TRAFD1: variants seen among roughly 807,000 people sequenced by gnomAD.
TRAFD1 encodes TRAF-type zinc finger domain containing 1, also known as TRAF-type zinc finger domain-containing protein 1.
TRAFD1 carries 38 observed loss-of-function variants against 65.3 expected under a neutral mutation model. The observed-to-expected ratio is 0.58, with a 90% confidence interval of 0.45 to 0.76. The LOEUF is 0.76. Among genes scored for constraint, TRAFD1 ranks in the 30% least tolerant of loss-of-function variants. TRAFD1 has a pLI of 0.00. For missense variants in TRAFD1, 631 were observed against 712.6 expected (o/e 0.89, Z 1.30); for synonymous variants, 223 against 257.2 (o/e 0.87, Z 1.27).
chr12:112,152,324 TGGGG>T lies in TRAFD1; in HGVS notation c.1620-102_1620-99del. 2 of 1,512,624 alleles carry T rather than the reference TGGGG, an allele frequency of 1.3e-6. No homozygotes were observed. The highest frequency in any genetic ancestry group is 1.2e-5 in the South Asian group (1 of 85,114). 93.7% of individuals were successfully genotyped at this position (1,512,624 alleles called of 1,614,324 possible). A position where few individuals can be genotyped will look rare whatever the true frequency, so the allele number is the denominator to read the frequency against. On this transcript the variant is annotated intron_variant, in intron 10 of 11. Transcript: ENST00000412615. This position sits in a 1 kb window ranked among gnomAD's most constrained non-coding sequence, Gnocchi z 5.0. ...ATTATTTTGTGGCCTATGGGTTTTTTGGGGTTTGTCTGCTAGCATAGGACTGCTT... is the reference window on the plus strand; with the variant it reads ...ATTATTTTGTGGCCTATGGGTTTTTTTTTGTCTGCTAGCATAGGACTGCTT...
chr12:112,139,443 T>C (rs1050456649), intron 4 of TRAFD1, among the ~76,000 whole-genome samples: 1 of 152,086 alleles, frequency 6.6e-6, no homozygotes, highest in Non-Finnish European at 1.5e-5. Context: ...AAGCTTTTTT[T>C]TTTTGTTTTC....
intron 6 of TRAFD1, among the ~76,000 whole-genome samples, chr12:112,142,587 T>C (rs2030124958): frequency 6.6e-6 from 1 of 151,110 alleles, no homozygotes; most frequent in Non-Finnish European, 1.5e-5. Context: ...GAGGCAGAGG[T>C]TGCAGTCAGC....
intron 4 of TRAFD1, among the ~76,000 whole-genome samples, chr12:112,139,516 C>T (rs1308264455): frequency 2.6e-5 from 4 of 151,400 alleles, no homozygotes; most frequent in East Asian, 2.0e-4. Context: ...CTCCACCTCC[C>T]GGGTTCAAGC....
At position 112,153,274 on chromosome 12, in the gene TRAFD1, C is replaced by CTCA. The variant is rs2030458919; in HGVS notation, c.*484_*486dup. The CTCA allele has an allele frequency of 6.4e-6, 1 of 155,090 alleles. No individual in the cohort carries two copies. Among genetic ancestry groups the CTCA allele is most frequent in the Non-Finnish European group, 1.4e-5 (1 of 69,872 alleles). 9.6% of individuals were successfully genotyped at this position (155,090 alleles called of 1,614,324 possible). A position where few individuals can be genotyped will look rare whatever the true frequency, so the allele number is the denominator to read the frequency against. ...GTGTATGAGGCGCTCTGGTAAGGTGCTCAGGCCAGTTGCAATGTCTGTCAG... is the reference window on the plus strand; with the variant it reads ...GTGTATGAGGCGCTCTGGTAAGGTGCTCATCAGGCCAGTTGCAATGTCTGTCAG... On this transcript the variant is annotated 3_prime_UTR_variant, in exon 12 of 12. Coordinates refer to ENST00000412615, the MANE Select transcript of TRAFD1 (RefSeq NM_006700.3).
In TRAFD1 at chr12:112,137,768, T is replaced by A. The variant is rs1433169414; in HGVS notation, c.237+2702T>A. 2.0e-5 allele frequency among the ~76,000 whole-genome samples: 3 copies of A among 151,886 alleles called. No individual in the cohort carries two copies. Among genetic ancestry groups the A allele is most frequent in the Admixed American group, 6.6e-5 (1 of 15,224 alleles). Reference sequence around the variant, plus strand: ...CAGAGCGAGACTCCGTCTAAAAAAATAAATAAATAAAAATAAATAAATAAA... The same window carrying A: ...CAGAGCGAGACTCCGTCTAAAAAAAAAAATAAATAAAAATAAATAAATAAA... On this transcript the variant is annotated intron_variant, in intron 4 of 11. Transcript: ENST00000412615. The surrounding 1 kb of genome is among the most constrained non-coding windows in gnomAD (Gnocchi z 4.2).
chr12:112,148,066 AATGAC>A lies in TRAFD1; in HGVS notation c.928-6_928-2del. 3.7e-6 allele frequency: 6 copies of A among 1,601,418 alleles called. No homozygotes were observed. In the South Asian group the frequency reaches 4.5e-5, roughly 12 times the overall value. ...TCTTGTTTTTAACCTATATTTTTTG[AATGAC>A]AGACAAGCTGTAACCCTTCACGTGC... On this transcript the variant is annotated splice_polypyrimidine_tract_variant and splice_region_variant and intron_variant, in intron 7 of 11. Coordinates refer to ENST00000412615, the MANE Select transcript of TRAFD1 (RefSeq NM_006700.3).
At chr12:112,146,058 T>C (rs1412169362) in intron 7 of TRAFD1, among the ~76,000 whole-genome samples, 1 of 149,450 alleles carries the variant, frequency 6.7e-6, no homozygotes, top group African/African-American at 2.5e-5. Context: ...TTAGGAGATA[T>C]ACCTAATGCT....
At position 112,148,195 on chromosome 12, in the gene TRAFD1, T is replaced by G; in HGVS notation, c.1049T>G (p.Leu350Ter). 1 of 1,614,212 alleles carries G rather than the reference T, an allele frequency of 6.2e-7. No individual in the cohort carries two copies. Among genetic ancestry groups the G allele is most frequent in the Non-Finnish European group, 8.5e-7 (1 of 1,180,032 alleles). Reference protein sequence around the residue: ...NFLQQAASNQLDSLMGLSNSH... With the variant: ...NFLQQAASNQ ...TTGCAACAGGCTGCAAGTAACCAGT[T>G]AGACTCTTTGATGGGCCTGAGCAAT... Residue 350 changes from leucine (L) to a stop codon, truncating the protein, a stop_gained, in exon 8 of 12, where the codon TTA becomes TGA. Coordinates refer to ENST00000412615, the MANE Select transcript of TRAFD1 (RefSeq NM_006700.3). LOFTEE classifies it high-confidence loss of function.
rs58777732 is a variant in TRAFD1, at chr12:112,138,857, CAAAA to C, written c.238-1946_238-1943del. On this transcript the variant is annotated intron_variant, in intron 4 of 11. Transcript: ENST00000412615. ...TGGGCAACAGAAGCGAACTCCGTCT[CAAAA>C]AAAAAAAAAAAAAAATTAAACTAAA... Among the ~76,000 whole-genome samples, 328 of 83,252 alleles carry C rather than the reference CAAAA, an allele frequency of 3.9e-3. 1 individual carries two copies. The highest frequency in any genetic ancestry group is 0.015 in the Middle Eastern group (2 of 130). 54.6% of individuals were successfully genotyped at this position (83,252 alleles called of 152,430 possible).
chr12:112,139,491 C>G (rs2136974466), intron 4 of TRAFD1, among the ~76,000 whole-genome samples: 1 of 151,146 alleles, frequency 6.6e-6, no homozygotes, highest in East Asian at 2.0e-4. Flanking sequence ...TGGTGTTATC[C>G]CAGCTCACTG....
chr12:112,135,548 C>T (rs969661350), intron 4 of TRAFD1, among the ~76,000 whole-genome samples: 1 of 152,084 alleles, frequency 6.6e-6, no homozygotes, highest in Non-Finnish European at 1.5e-5. Context: ...ATTCTCCTGC[C>T]TCGGCCTCCT....
Position 112,152,812 on chromosome 12 carries a change from C to T in TRAFD1, c.*21C>T. On this transcript the variant is annotated 3_prime_UTR_variant, in exon 12 of 12. Coordinates refer to ENST00000412615, the MANE Select transcript of TRAFD1 (RefSeq NM_006700.3). This position sits in a 1 kb window ranked among gnomAD's most constrained non-coding sequence, Gnocchi z 5.0. ...AGTAATGGTGTCTCCAGAGACTTTA[C>T]ATCGGTTCCTGTCTTCTGTGCACAG... The T allele has an allele frequency of 1.2e-6, 2 of 1,613,822 alleles. No individual in the cohort carries two copies. The highest frequency in any genetic ancestry group is 1.7e-6 in the Non-Finnish European group (2 of 1,179,920).
intron 7 of TRAFD1, among the ~76,000 whole-genome samples, chr12:112,146,138 G>A (rs1283428337): frequency 2.7e-5 from 4 of 146,064 alleles, no homozygotes; most frequent in Non-Finnish European, 6.0e-5. Flanking sequence ...CCTGCACATT[G>A]TGCACATGTA....
Position 112,130,518 on chromosome 12 carries a change from T to C in TRAFD1, c.-5T>C. The C allele has an allele frequency of 6.2e-7, 1 of 1,613,084 alleles. No individual in the cohort carries two copies. Among genetic ancestry groups the C allele is most frequent in the Non-Finnish European group, 8.5e-7 (1 of 1,179,446 alleles). ...TTCCTTTGTGGTTTTCAGGAAGAGCTAAAGATGGCTGAATTTCTAGATGAC... is the reference window on the plus strand; with the variant it reads ...TTCCTTTGTGGTTTTCAGGAAGAGCCAAAGATGGCTGAATTTCTAGATGAC... On this transcript the variant is annotated 5_prime_UTR_variant, in exon 2 of 12. Coordinates refer to ENST00000412615, the MANE Select transcript of TRAFD1 (RefSeq NM_006700.3). The surrounding 1 kb of genome is among the most constrained non-coding windows in gnomAD (Gnocchi z 4.4).
At chr12:112,145,384 C>A (rs753019927) in intron 6 of TRAFD1, among the ~76,000 whole-genome samples, 3 of 152,070 alleles carry the variant, frequency 2.0e-5, no homozygotes, top group African/African-American at 7.2e-5. Flanking sequence ...AAGTACATTT[C>A]TTGTTTTGTC....
At position 112,136,077 on chromosome 12, in the gene TRAFD1, C is replaced by T. The variant is rs138994265; in HGVS notation, c.237+1011C>T. Among the ~76,000 whole-genome samples, 271 of 150,094 alleles carry T rather than the reference C, an allele frequency of 1.8e-3. 1 individual carries two copies. Among genetic ancestry groups the T allele is most frequent in the African/African-American group, 6.0e-3 (246 of 40,830 alleles). ...CCGGAAGGCAGAGGTTGCAGTGAGC[C>T]GAGATCGCGCCACTGCACTCCAGCC... On this transcript the variant is annotated intron_variant, in intron 4 of 11. Transcript: ENST00000412615.
intron 7 of TRAFD1, among the ~76,000 whole-genome samples, chr12:112,146,797 C>A (rs1277887794): frequency 6.6e-6 from 1 of 152,142 alleles, no homozygotes; most frequent in Non-Finnish European, 1.5e-5. Flanking sequence ...CTTCTGATCT[C>A]CTGTTGGTCT....
chr12:112,141,959 A>T, intron 5 of TRAFD1, 130 bp from the exon 6 acceptor site: 1 of 943,462 alleles, frequency 1.1e-6, no homozygotes, highest in Non-Finnish European at 1.6e-6. Context: ...GAAGAGAGCT[A>T]GTTGAACATG....
At chr12:112,129,424 CTCCTGGG>C (rs946871908) in intron 1 of TRAFD1, among the ~76,000 whole-genome samples, 3 of 151,894 alleles carry the variant, frequency 2.0e-5, no homozygotes, top group Non-Finnish European at 4.4e-5. Flanking sequence ...TGATCTTAAA[CTCCTGGG>C]TTCAAGCGAT....
Sources: gnomAD v4.1 joint callset for allele counts (sites outside exome capture counted in the v4.1 genomes callset) on GRCh38, gnomAD v4.1.1 for gene constraint, Gnocchi (gnomAD v3.1) non-coding constraint, MANE v1.5 for transcripts, NCBI Gene and HGNC (gene_info 2026-07-23, HGNC 2026-07-21) for gene names.